LAMA5: variants seen among roughly 807,000 people sequenced by gnomAD.
LAMA5 encodes laminin subunit alpha 5.
In LAMA5, 260 loss-of-function variants were observed where a neutral mutation model predicts 433.4. The ratio of observed to expected loss-of-function variants is 0.60; its 90% CI spans 0.54 to 0.66. LAMA5 has a LOEUF of 0.66. LAMA5 is among the 30% of genes least tolerant of loss of function. LAMA5 has a pLI of 0.00. For missense variants in LAMA5, 5,378 were observed against 5,258.5 expected (o/e 1.02, Z -0.70); for synonymous variants, 2,620 against 2,226.6 (o/e 1.18, Z -4.97).
Position 62,359,996 on chromosome 20 carries a change from C to T in LAMA5, c.450+2404G>A, listed in dbSNP as rs1601428796. Among the ~76,000 whole-genome samples, 1 of 150,676 alleles carries T rather than the reference C, an allele frequency of 6.6e-6. No homozygotes were observed. Among genetic ancestry groups the T allele is most frequent in the South Asian group, 2.1e-4 (1 of 4,738 alleles). On this transcript the variant is annotated intron_variant, in intron 2 of 79. Coordinates refer to ENST00000252999, the MANE Select transcript of LAMA5 (RefSeq NM_005560.6). This position sits in a 1 kb window ranked among gnomAD's most constrained non-coding sequence, Gnocchi z 4.3. ...CCCAGAACAAAGGCTGCTGGCAGCC[C>T]GCTGCAGGGGGAGTGCCCGGACCCA...
At position 62,316,453 on chromosome 20, in the gene LAMA5, C is replaced by T. The variant is rs538606584; in HGVS notation, c.7756+218G>A. 1.5e-3 allele frequency: 763 copies of T among 523,184 alleles called. 3 individuals carry two copies. In the Middle Eastern group the frequency reaches 0.026, roughly 18 times the overall value. The allele number at this position is 523,184 out of a possible 1,614,324, so 32.4% of individuals were successfully genotyped here. A position where few individuals can be genotyped will look rare whatever the true frequency, so the allele number is the denominator to read the frequency against. On this transcript the variant is annotated intron_variant, in intron 57 of 79. Coordinates refer to ENST00000252999, the MANE Select transcript of LAMA5 (RefSeq NM_005560.6). The stretch of plus-strand genomic sequence containing the variant: ...GCTCAGCTGGTGCCTCAGTGGCAGC[C>T]AGTGCCTCGCAGGAGGCTGCTCCTC...
chr20:62,337,496 G>A (rs896507221), intron 16 of LAMA5, 94 bp downstream of exon 16: 14 of 1,494,686 alleles, frequency 9.4e-6, no homozygotes, highest in South Asian at 2.5e-5. Flanking sequence ...CAAGATGCAC[G>A]TGAACAGCCT....
At chr20:62,332,848 C>A in intron 26 of LAMA5, 131 bp from the exon 27 acceptor site, 1 of 1,189,424 alleles carries the variant, frequency 8.4e-7, no homozygotes, top group Non-Finnish European at 1.2e-6. Flanking sequence ...CCGGACATCT[C>A]CAGGCAAGTG....
chr20:62,334,967 C>T (rs1165880400), intron 20 of LAMA5, 54 bp downstream of exon 20: 1 of 1,542,924 alleles, frequency 6.5e-7, no homozygotes, highest in African/African-American at 1.4e-5. Context: ...GGTTCCCCAG[C>T]ATAAACCGAG....
At chr20:62,345,661 G>C in intron 11 of LAMA5, 157 bp downstream of exon 11, 1 of 647,984 alleles carries the variant, frequency 1.5e-6, no homozygotes, top group South Asian at 1.8e-5. Flanking sequence ...TATTTCCGAA[G>C]GTTTTCCAGT....
intron 48 of LAMA5, among the ~76,000 whole-genome samples, chr20:62,321,276 G>A (rs1302200990): frequency 1.2e-4 from 12 of 103,324 alleles, no homozygotes; most frequent in Middle Eastern, 5.1e-3. Context: ...GGTCAGTGAA[G>A]GGGTGGGGCC....
In LAMA5 at chr20:62,313,126, C is replaced by A. The variant is rs370374212; in HGVS notation, c.8917G>T (p.Val2973Leu). The A allele has an allele frequency of 5.0e-6, 8 of 1,607,074 alleles. 1 individual carries two copies. The South Asian group carries it at 8.8e-5, about 18-fold the overall frequency. Residue 2973 changes from valine to leucine, a missense_variant, in exon 65 of 80, where the codon GTG becomes TTG. Val to Leu is a conservative substitution (Grantham distance 32). Transcript: ENST00000252999. ...TKRFEQELRL[V>L]SYSGVLFFLK... ...AAGAAGAGCACCCCGCTGTAGGACA[C>A]GAGCCGCAGCTCCTGCTCGAAGCGC...
chr20:62,346,141 A>C lies in LAMA5; in HGVS notation c.1357T>G (p.Phe453Val), dbSNP rs769386750. ...CACACGTCACACCGCTCCCCAGAGAAGTTGGGCCGGCAGTAGCATCGACCC... is the reference window on the plus strand; with the variant it reads ...CACACGTCACACCGCTCCCCAGAGACGTTGGGCCGGCAGTAGCATCGACCC... ...LTGRCYCRPN[F>V]SGERCDVCAE... Residue 453 changes from phenylalanine to valine, a missense_variant, in exon 10 of 80, where the codon TTC (phenylalanine) becomes GTC (valine). Coordinates refer to ENST00000252999, the MANE Select transcript of LAMA5 (RefSeq NM_005560.6). The C allele has an allele frequency of 5.0e-6, 8 of 1,613,064 alleles. No homozygotes were observed. In the East Asian group the frequency reaches 1.6e-4, roughly 31 times the overall value.
At chr20:62,366,652 G>T (rs1194389050) in intron 1 of LAMA5, among the ~76,000 whole-genome samples, 2 of 152,322 alleles carry the variant, frequency 1.3e-5, no homozygotes, top group African/African-American at 2.4e-5. Flanking sequence ...ACTTGGGGCC[G>T]CCAGGGACTG....
rs980865343 is a variant in LAMA5, at chr20:62,359,606, C to A, written c.450+2794G>T. ...TACGCAAGAACCCCCTAGAAGGACC[C>A]CCTGGGGAAGGTCACGTCTGGAACT... On this transcript the variant is annotated intron_variant, in intron 2 of 79. Coordinates refer to ENST00000252999, the MANE Select transcript of LAMA5 (RefSeq NM_005560.6). The surrounding 1 kb of genome is among the most constrained non-coding windows in gnomAD (Gnocchi z 4.3). 2.0e-5 allele frequency among the ~76,000 whole-genome samples: 3 copies of A among 152,120 alleles called. No homozygotes were observed. Among genetic ancestry groups the A allele is most frequent in the Admixed American group, 6.5e-5 (1 of 15,272 alleles).
At chr20:62,339,977 C>G (rs933085469) in intron 11 of LAMA5, among the ~76,000 whole-genome samples, 1 of 152,144 alleles carries the variant, frequency 6.6e-6, no homozygotes, top group Non-Finnish European at 1.5e-5. Context: ...ACGCCTCAGA[C>G]AGGTGGTAAA....
At position 62,313,806 on chromosome 20, in the gene LAMA5, A is replaced by C. The variant is rs547630152; in HGVS notation, c.8505-4T>G. The stretch of plus-strand genomic sequence containing the variant: ...CATGTGGCCAAACTGGAGAGTCCTG[A>C]GGGCAGAGGCGAGGGGTGGCGAGTG... On this transcript the variant is annotated splice_region_variant and splice_polypyrimidine_tract_variant and intron_variant, in intron 62 of 79. Transcript: ENST00000252999. The C allele has an allele frequency of 6.2e-7, 1 of 1,611,202 alleles. No individual in the cohort carries two copies. Among genetic ancestry groups the C allele is most frequent in the African/African-American group, 1.3e-5 (1 of 74,506 alleles).
chr20:62,364,560 T>C (rs1173957302), intron 1 of LAMA5, among the ~76,000 whole-genome samples: 1 of 152,196 alleles, frequency 6.6e-6, no homozygotes, highest in African/African-American at 2.4e-5. Context: ...CCACCTCCGC[T>C]GCGGAGGGTC....
At position 62,330,924 on chromosome 20, in the gene LAMA5, C is replaced by A; in HGVS notation, c.3671G>T (p.Arg1224Leu). 6.5e-7 allele frequency: 1 copy of A among 1,550,082 alleles called. No homozygotes were observed. Among genetic ancestry groups the A allele is most frequent in the Non-Finnish European group, 8.7e-7 (1 of 1,147,102 alleles). Residue 1224 changes from arginine to leucine, a missense_variant, in exon 30 of 80, where the codon CGC becomes CTC. Arg to Leu is a moderately radical substitution (Grantham distance 102). Transcript: ENST00000252999. ...GATGGGCTGGGGCGGCTTTGGGAAG[C>A]GCGAGGGCAGACAGGCGGCACTGGT... is the stretch of plus-strand genomic sequence containing the variant. ...GPNSAACLPSRFPKPPQPIIL... is the reference protein window; with the variant it reads ...GPNSAACLPSLFPKPPQPIIL...
chr20:62,335,963 CCT>C (rs565724469), intron 18 of LAMA5, among the ~76,000 whole-genome samples: 5 of 147,642 alleles, frequency 3.4e-5, no homozygotes, highest in South Asian at 4.3e-4. Flanking sequence ...GGTGCCATCC[CCT>C]GAGGAACCCC....
intron 4 of LAMA5, 74 bp downstream of exon 4, chr20:62,352,168 G>T: frequency 6.4e-7 from 1 of 1,571,842 alleles, no homozygotes; most frequent in Non-Finnish European, 8.6e-7. Flanking sequence ...CTCCAGCCCC[G>T]CTCGGCACTG....
intron 2 of LAMA5, among the ~76,000 whole-genome samples, chr20:62,354,322 T>C (rs1011415339): frequency 7.3e-6 from 1 of 136,604 alleles, no homozygotes; most frequent in Non-Finnish European, 1.6e-5. Context: ...CTGATCAGCC[T>C]GGGCTTCCCT....
intron 48 of LAMA5, 96 bp downstream of exon 48, chr20:62,321,923 T>C: frequency 1.6e-6 from 2 of 1,268,410 alleles, no homozygotes; most frequent in Middle Eastern, 1.9e-4. Context: ...CTGGGACCAC[T>C]CTGGGAGGTC....
chr20:62,327,264 C>A lies in LAMA5; in HGVS notation c.5081G>T (p.Trp1694Leu). 1.9e-6 allele frequency: 3 copies of A among 1,550,240 alleles called. No individual in the cohort carries two copies. Among genetic ancestry groups the A allele is most frequent in the Non-Finnish European group, 1.7e-6 (2 of 1,148,454 alleles). Residue 1694 changes from tryptophan to leucine, a missense_variant, in exon 38 of 80, where the codon TGG becomes TTG. Trp to Leu is a moderately conservative substitution (Grantham distance 61, BLOSUM62 -2). Coordinates refer to ENST00000252999, the MANE Select transcript of LAMA5 (RefSeq NM_005560.6). The stretch of plus-strand genomic sequence containing the variant: ...CCCCAGGTAGGAGGGTGGGGCCTGC[C>A]AGTACAGCTCGGGGAAAGCCTCGGG... ...AVPEAFPELY[W>L]QAPPSYLGDR...
Sources: gnomAD v4.1 joint callset for allele counts (sites outside exome capture counted in the v4.1 genomes callset) on GRCh38, gnomAD v4.1.1 for gene constraint, Gnocchi (gnomAD v3.1) non-coding constraint, MANE v1.5 for transcripts, NCBI Gene and HGNC (gene_info 2026-07-23, HGNC 2026-07-21) for gene names.